IPO11: variants seen among roughly 807,000 people sequenced by gnomAD.
IPO11 encodes the protein importin-11.
A neutral mutation model predicts 143.2 loss-of-function variants in IPO11; 66 were observed. The observed-to-expected ratio is 0.46, with a 90% CI of 0.38 to 0.57. The LOEUF is 0.57. Among genes scored for constraint, IPO11 ranks in the 20% least tolerant of loss-of-function variants. IPO11 has a pLI of 0.00. For synonymous variants in IPO11, 385 were observed against 377.8 expected, an observed-to-expected ratio of 1.02 and a Z score of -0.22; for missense variants, 1,026 against 1,141.0, an observed-to-expected ratio of 0.90 and a Z score of 1.45.
chr5:62,479,535 C>CCAGTTT (rs1746105657), intron 9 of IPO11, among the ~76,000 whole-genome samples: 1 of 152,166 alleles, frequency 6.6e-6, no homozygotes, highest in Non-Finnish European at 1.5e-5. Context: ...AATGGTTGAA[C>CCAGTTT]CAGTTTACAG....
Position 62,484,152 on chromosome 5 carries a change from A to G in IPO11, c.1164A>G (p.Pro388=). 6.3e-7 allele frequency: 1 copy of G among 1,595,002 alleles called. No homozygotes were observed. The highest frequency in any genetic ancestry group is 8.5e-7 in the Non-Finnish European group (1 of 1,175,158). Residue 388 remains proline (P), a synonymous_variant, in exon 11 of 30, where the codon CCA becomes CCG. Transcript: ENST00000325324. The stretch of plus-strand genomic sequence containing the variant: ...AACTGACAATGTGGGAAGAAGACCC[A>G]GAAGGCTTTAGTAAGAATTAATTTT... ...EEELTMWEED[P]EGFTVEETGG...
chr5:62,414,891 C>G (rs1743232875), intron 1 of IPO11, among the ~76,000 whole-genome samples: 1 of 152,132 alleles, frequency 6.6e-6, no homozygotes, highest in Admixed American at 6.5e-5. Flanking sequence ...TGCTGATTAT[C>G]CAGTCTGATG....
chr5:62,569,341 C>T (rs1744060479), intron 27 of IPO11, among the ~76,000 whole-genome samples: 2 of 152,192 alleles, frequency 1.3e-5, no homozygotes, highest in Non-Finnish European at 2.9e-5. Flanking sequence ...CCAGGTACTA[C>T]GATCTCTCAC....
intron 14 of IPO11, 82 bp downstream of exon 14, chr5:62,489,431 G>T: frequency 1.0e-6 from 1 of 975,564 alleles, no homozygotes; most frequent in Non-Finnish European, 1.5e-6. Context: ...TTGTGCTGAG[G>T]GTGTTGAGAT....
intron 22 of IPO11, among the ~76,000 whole-genome samples, chr5:62,534,565 T>G (rs549323425): frequency 6.6e-6 from 1 of 152,180 alleles, no homozygotes; most frequent in Admixed American, 6.5e-5. Flanking sequence ...AACTAAATAC[T>G]TTGATAGGTT....
At chr5:62,532,320 G>A (rs32178) in intron 22 of IPO11, among the ~76,000 whole-genome samples, 13,714 of 152,098 alleles carry the variant, frequency 0.09, 669 homozygotes, top group East Asian at 0.14. Context: ...AAGTGCTCTA[G>A]TGTAGTGGTT....
chr5:62,591,953 G>A (rs889221781), intron 28 of IPO11, among the ~76,000 whole-genome samples: 7 of 152,166 alleles, frequency 4.6e-5, no homozygotes, highest in African/African-American at 1.7e-4. Flanking sequence ...AGGTTCAAGT[G>A]ATTCTCTTGC....
intron 6 of IPO11, among the ~76,000 whole-genome samples, chr5:62,469,891 G>A (rs1389336680): frequency 6.6e-6 from 1 of 152,130 alleles, no homozygotes; most frequent in African/African-American, 2.4e-5. Flanking sequence ...CTGAATGAAG[G>A]TTTTTGGTTA....
chr5:62,483,226 C>A lies in IPO11; in HGVS notation c.954C>A (p.Val318=). 1 of 1,610,812 alleles carries A rather than the reference C, an allele frequency of 6.2e-7. No individual in the cohort carries two copies. Among genetic ancestry groups the A allele is most frequent in the Non-Finnish European group, 8.5e-7 (1 of 1,178,198 alleles). Residue 318 remains valine (V), a synonymous_variant, in exon 10 of 30, where the codon GTC becomes GTA. Transcript: ENST00000325324. ...GCGTTACATTTGAACGATTCATTGTCCAATGTATGAATCTTATTAAGATGA... is the reference window on the plus strand; with the variant it reads ...GCGTTACATTTGAACGATTCATTGTACAATGTATGAATCTTATTAAGATGA... ...GEGVTFERFI[V]QCMNLIKMIV... is the part of the protein sequence containing the mutation.
At chr5:62,548,453 A>C (rs1225933533) in intron 24 of IPO11, among the ~76,000 whole-genome samples, 1 of 152,078 alleles carries the variant, frequency 6.6e-6, no homozygotes, top group African/African-American at 2.4e-5. Flanking sequence ...GCCGTAATGT[A>C]AGTTTATTTA....
chr5:62,438,710 C>T (rs980775280), intron 2 of IPO11, among the ~76,000 whole-genome samples: 3 of 150,322 alleles, frequency 2.0e-5, no homozygotes. Context: ...TGAGATCGTG[C>T]CATTGTACTC....
At chr5:62,524,923 T>C (rs1337339369) in intron 20 of IPO11, among the ~76,000 whole-genome samples, 1 of 152,204 alleles carries the variant, frequency 6.6e-6, no homozygotes, top group Non-Finnish European at 1.5e-5. Context: ...CATGAAATTA[T>C]AGATATTATT....
intron 14 of IPO11, among the ~76,000 whole-genome samples, chr5:62,489,597 G>A (rs375439344): frequency 2.6e-4 from 40 of 152,228 alleles, no homozygotes; most frequent in African/African-American, 9.2e-4. Context: ...CCAAAGAAGT[G>A]TAATGGAAGA....
intron 29 of IPO11, among the ~76,000 whole-genome samples, chr5:62,607,856 C>A (rs1453638037): frequency 6.7e-6 from 1 of 150,000 alleles, no homozygotes. Flanking sequence ...TGCAGTGGTG[C>A]TATCTCAGCT....
chr5:62,454,821 T>C (rs1745068630), intron 5 of IPO11, among the ~76,000 whole-genome samples: 1 of 152,212 alleles, frequency 6.6e-6, no homozygotes, highest in African/African-American at 2.4e-5. Flanking sequence ...GCTCAATAAC[T>C]GTTAAGTGAA....
intron 26 of IPO11, 155 bp from the exon 27 acceptor site, chr5:62,560,981 A>T (rs1018809036): frequency 3.7e-6 from 2 of 535,998 alleles, no homozygotes; most frequent in Non-Finnish European, 6.2e-6. Flanking sequence ...ATCCATTTCC[A>T]GCTCATGACT....
At chr5:62,545,069 A>T (rs1187564625) in intron 24 of IPO11, among the ~76,000 whole-genome samples, 1 of 152,168 alleles carries the variant, frequency 6.6e-6, no homozygotes, top group Non-Finnish European at 1.5e-5. Context: ...GCTACCAATG[A>T]CTTTCTTCAC....
intron 16 of IPO11, among the ~76,000 whole-genome samples, chr5:62,500,716 T>G (rs1422823881): frequency 6.6e-6 from 1 of 152,188 alleles, no homozygotes; most frequent in Non-Finnish European, 1.5e-5. Flanking sequence ...CAGGCTGCTC[T>G]CAAACTTTGA....
chr5:62,618,448 CATT>C (rs1412928938), intron 29 of IPO11, among the ~76,000 whole-genome samples: 2 of 151,894 alleles, frequency 1.3e-5, no homozygotes, highest in East Asian at 3.9e-4. Flanking sequence ...AAATAGAAGA[CATT>C]AATAATTTTA....
Sources: gnomAD v4.1 joint callset for allele counts (sites outside exome capture counted in the v4.1 genomes callset) on GRCh38, gnomAD v4.1.1 for gene constraint, MANE v1.5 for transcripts, NCBI Gene and HGNC (gene_info 2026-07-23, HGNC 2026-07-21) for gene names.